DENND1B: variants seen among roughly 807,000 people sequenced by gnomAD.
DENND1B encodes DENN domain containing 1B.
DENND1B carries 59 observed loss-of-function variants against 90.1 expected under a neutral mutation model. The observed-to-expected ratio is 0.65, with a 90% CI of 0.53 to 0.81. DENND1B has a LOEUF of 0.81. Among genes scored for constraint, DENND1B ranks in the 40% least tolerant of loss-of-function variants. The pLI, the probability that DENND1B is intolerant of heterozygous loss-of-function variation, is 0.00. For missense variants in DENND1B, 862 were observed against 912.6 expected (o/e 0.94, Z 0.71); for synonymous variants, 337 against 324.6 (o/e 1.04, Z -0.41).
At chr1:197,625,659 T>G (rs1678623553) in intron 10 of DENND1B, among the ~76,000 whole-genome samples, 3 of 152,086 alleles carry the variant, frequency 2.0e-5, no homozygotes, top group South Asian at 4.2e-4. Flanking sequence ...AATTCACACA[T>G]AACAATATTA....
chr1:197,765,183 C>CTGACCTATCAG (rs1655552002), intron 2 of DENND1B, among the ~76,000 whole-genome samples: 1 of 152,188 alleles, frequency 6.6e-6, no homozygotes, highest in Non-Finnish European at 1.5e-5. Flanking sequence ...AGGCCAGTGA[C>CTGACCTATCAG]TGACCTATCA....
intron 15 of DENND1B, among the ~76,000 whole-genome samples, chr1:197,571,666 G>C (rs931670509): frequency 5.9e-5 from 9 of 152,104 alleles, no homozygotes; most frequent in Non-Finnish European, 8.8e-5. Flanking sequence ...AGAAATATCA[G>C]CTTCATAACA....
Position 197,587,189 on chromosome 1 carries a change from G to A in DENND1B, c.1048-3936C>T, listed in dbSNP as rs539306927. On this transcript the variant is annotated intron_variant, in intron 14 of 22. Coordinates refer to ENST00000620048, the MANE Select transcript of DENND1B (RefSeq NM_001195215.2). ...GTTGATCAATCTACTTACAGAAAAC[G>A]ACTTATGCAATTGAGAAATACCCAT... 2.6e-5 allele frequency among the ~76,000 whole-genome samples: 4 copies of A among 152,204 alleles called. No homozygotes were observed. The South Asian group carries it at 8.3e-4, about 32-fold the overall frequency.
chr1:197,552,203 G>T, intron 16 of DENND1B: 1 of 978,954 alleles, frequency 1.0e-6, no homozygotes, highest in Non-Finnish European at 1.2e-6. Context: ...AACATACAAA[G>T]AAGTTTAAAA....
intron 1 of DENND1B, chr1:197,774,522 T>TTG (rs1175329598): frequency 2.0e-5 from 3 of 152,212 alleles, no homozygotes; most frequent in Non-Finnish European, 4.4e-5. Context: ...TGATAAATAC[T>TTG]TTAGCACACA....
chr1:197,715,803 G>C (rs777739121), intron 2 of DENND1B, among the ~76,000 whole-genome samples: 9 of 151,562 alleles, frequency 5.9e-5, no homozygotes, highest in Non-Finnish European at 1.3e-4. Flanking sequence ...ACACTAAAAT[G>C]CTAAGATCTT....
At chr1:197,676,283 A>T (rs1656067880) in intron 3 of DENND1B, among the ~76,000 whole-genome samples, 2 of 152,098 alleles carry the variant, frequency 1.3e-5, no homozygotes, top group Non-Finnish European at 2.9e-5. Flanking sequence ...GAGACTTGGA[A>T]GGAGGCATAA....
At chr1:197,764,537 A>G (rs1432612515) in intron 2 of DENND1B, among the ~76,000 whole-genome samples, 2 of 152,154 alleles carry the variant, frequency 1.3e-5, no homozygotes, top group South Asian at 4.1e-4. Context: ...TACACTTACT[A>G]AAGTTGTTAA....
chr1:197,523,748 A>G (rs1393058616), intron 20 of DENND1B, among the ~76,000 whole-genome samples: 1 of 152,182 alleles, frequency 6.6e-6, no homozygotes, highest in Non-Finnish European at 1.5e-5. Flanking sequence ...TACAAACAGC[A>G]TGATAGAAGA....
At chr1:197,536,319 A>G (rs1173259269) in intron 20 of DENND1B, among the ~76,000 whole-genome samples, 1 of 152,202 alleles carries the variant, frequency 6.6e-6, no homozygotes, top group Admixed American at 6.5e-5. Flanking sequence ...CTATATCCTT[A>G]TAATAAATGG....
intron 10 of DENND1B, among the ~76,000 whole-genome samples, chr1:197,627,122 C>T (rs922103060): frequency 6.6e-6 from 1 of 152,116 alleles, no homozygotes; most frequent in Non-Finnish European, 1.5e-5. Flanking sequence ...GGTACCATTC[C>T]TTCTGAAACT....
At chr1:197,745,498 T>C (rs1290239973) in intron 2 of DENND1B, among the ~76,000 whole-genome samples, 1 of 151,852 alleles carries the variant, frequency 6.6e-6, no homozygotes, top group African/African-American at 2.4e-5. Context: ...TCTCTCTTGT[T>C]AGAACACATA....
intron 14 of DENND1B, 114 bp from the exon 15 acceptor site, chr1:197,583,367 A>C: frequency 1.1e-6 from 1 of 878,104 alleles, no homozygotes; most frequent in East Asian, 2.6e-5. Context: ...CAGAAGCAAC[A>C]GACCCTTCCT....
chr1:197,561,451 T>A (rs1221048277), intron 15 of DENND1B, among the ~76,000 whole-genome samples: 2 of 151,920 alleles, frequency 1.3e-5, no homozygotes, highest in African/African-American at 4.8e-5. Context: ...ATAACCTCCG[T>A]TGCTAGTGCC....
chr1:197,682,062 C>A (rs1656747250), intron 3 of DENND1B, among the ~76,000 whole-genome samples: 1 of 151,476 alleles, frequency 6.6e-6, no homozygotes, highest in Non-Finnish European at 1.5e-5. Context: ...TGTGATAAAC[C>A]AGATAGGACT....
intron 16 of DENND1B, among the ~76,000 whole-genome samples, chr1:197,550,347 C>T (rs1011624387): frequency 6.6e-6 from 1 of 152,066 alleles, no homozygotes; most frequent in Non-Finnish European, 1.5e-5. Flanking sequence ...GGAATTGAGA[C>T]TCTGGCCACT....
chr1:197,510,466 T>G lies in DENND1B; in HGVS notation c.2322A>C (p.Gln774His), dbSNP rs750633201. The G allele has an allele frequency of 6.2e-6, 10 of 1,600,510 alleles. No individual in the cohort carries two copies. Among genetic ancestry groups the G allele is most frequent in the African/African-American group, 1.3e-5 (1 of 74,176 alleles). Reference protein sequence around the residue: ...NISDKNTNGNQT With the variant: ...NISDKNTNGNHT ...AGAAGCTTGGATGCAAGATTTAAGT[T>G]TGGTTTCCATTTGTGTTTTTGTCTG... Residue 774 changes from glutamine to histidine, a missense_variant, in exon 23 of 23, where the codon CAA (glutamine) becomes CAC (histidine). Coordinates refer to ENST00000620048, the MANE Select transcript of DENND1B (RefSeq NM_001195215.2).
At chr1:197,672,842 T>A (rs1182424503) in intron 4 of DENND1B, among the ~76,000 whole-genome samples, 11 of 152,044 alleles carry the variant, frequency 7.2e-5, no homozygotes. Flanking sequence ...CACTTTGGTA[T>A]AAGGGGCAAT....
At chr1:197,746,268 G>GC (rs1420715093) in intron 2 of DENND1B, among the ~76,000 whole-genome samples, 2 of 152,108 alleles carry the variant, frequency 1.3e-5, no homozygotes, top group Non-Finnish European at 2.9e-5. Context: ...GGTGGCACTT[G>GC]CCTGTAATCC....
Sources: gnomAD v4.1 joint callset for allele counts (sites outside exome capture counted in the v4.1 genomes callset) on GRCh38, gnomAD v4.1.1 for gene constraint, MANE v1.5 for transcripts, NCBI Gene and HGNC (gene_info 2026-07-23, HGNC 2026-07-21) for gene names.